GTF2H3: variants seen among roughly 807,000 people sequenced by gnomAD.
The protein encoded by GTF2H3 is TFIIH basal transcription factor complex p34 subunit.
A neutral mutation model predicts 51.1 loss-of-function variants in GTF2H3; 42 were observed. The ratio of observed to expected loss-of-function variants is 0.82; its 90% confidence interval spans 0.64 to 1.06. The LOEUF (loss-of-function observed/expected upper bound fraction) is 1.06. Among genes scored for constraint, GTF2H3 ranks in the 50% least tolerant of loss-of-function variants. GTF2H3 has a pLI of 0.00. For missense variants in GTF2H3, 326 were observed against 366.1 expected, an observed-to-expected ratio of 0.89 and a Z score of 0.89; for synonymous variants, 123 against 123.8, an observed-to-expected ratio of 0.99 and a Z score of 0.04.
At chr12:123,641,609 G>A (rs1255105647) in intron 2 of GTF2H3, among the ~76,000 whole-genome samples, 1 of 149,436 alleles carries the variant, frequency 6.7e-6, no homozygotes, top group African/African-American at 2.5e-5. Flanking sequence ...GATTACAAGT[G>A]TGAGCCACCA....
chr12:123,647,842 A>G (rs1262420304), intron 3 of GTF2H3, 121 bp from the exon 4 acceptor site: 10 of 547,694 alleles, frequency 1.8e-5, no homozygotes, highest in Non-Finnish European at 6.3e-6. Context: ...TTACCGTGGA[A>G]TCTTGTGAGT....
In GTF2H3 at chr12:123,644,104, G is replaced by A. The variant is rs532268015; in HGVS notation, c.94-1351G>A. Among the ~76,000 whole-genome samples the A allele has an allele frequency of 1.5e-4, 23 of 151,964 alleles. No individual in the cohort carries two copies. In the South Asian group the frequency reaches 3.1e-3, roughly 21 times the overall value. On this transcript the variant is annotated intron_variant, in intron 2 of 12. Coordinates refer to ENST00000543341, the MANE Select transcript of GTF2H3 (RefSeq NM_001516.5). ...CCTCGGCCTCCCAAAGTGCTGGGAC[G>A]TGAGCCACCACGCCCAGCCACCAGT... is the stretch of plus-strand genomic sequence containing the variant.
Position 123,642,432 on chromosome 12 carries a change from G to A in GTF2H3, c.94-3023G>A, listed in dbSNP as rs1593797467. On this transcript the variant is annotated intron_variant, in intron 2 of 12. Coordinates refer to ENST00000543341, the MANE Select transcript of GTF2H3 (RefSeq NM_001516.5). ...GATCCGCCCACCTCAGCCTCCCAAAGTGTTGGGATTACAGGCATGAGCCAC... is the reference window on the plus strand; with the variant it reads ...GATCCGCCCACCTCAGCCTCCCAAAATGTTGGGATTACAGGCATGAGCCAC... Among the ~76,000 whole-genome samples, 5 of 152,198 alleles carry A rather than the reference G, an allele frequency of 3.3e-5. No homozygotes were observed. The South Asian group carries it at 1.0e-3, about 32-fold the overall frequency.
chr12:123,648,047 G>C lies in GTF2H3; in HGVS notation c.285G>C (p.Gly95=), dbSNP rs141702842. Residue 95 remains glycine (G), a synonymous_variant, in exon 4 of 13, where the codon GGG becomes GGC. Transcript: ENST00000543341. ...ACCCTCCTGAATTTAATCCCTCTGGGAGTAAAGATGGAAAATACGAACTTT... is the reference window on the plus strand; with the variant it reads ...ACCCTCCTGAATTTAATCCCTCTGGCAGTAAAGATGGAAAATACGAACTTT... The part of the protein sequence containing the change: ...PGNPPEFNPS[G]SKDGKYELLT... 34 of 1,611,588 alleles carry C rather than the reference G, an allele frequency of 2.1e-5. No homozygotes were observed. Among genetic ancestry groups the C allele is most frequent in the Admixed American group, 6.7e-5 (4 of 59,982 alleles).
chr12:123,634,420 G>C (rs1375790883), intron 1 of GTF2H3, among the ~76,000 whole-genome samples: 1 of 152,200 alleles, frequency 6.6e-6, no homozygotes, highest in Non-Finnish European at 1.5e-5. Context: ...CAGCATGGCC[G>C]ACAGGGCATG....
Position 123,645,564 on chromosome 12 carries a change from A to G in GTF2H3, c.200+3A>G, listed in dbSNP as rs1163615326. 2 of 1,486,050 alleles carry G rather than the reference A, an allele frequency of 1.3e-6. No individual in the cohort carries two copies. The highest frequency in any genetic ancestry group is 2.3e-5 in the East Asian group (1 of 44,324). The allele number at this position is 1,486,050 out of a possible 1,614,324, so 92.1% of individuals were successfully genotyped here. Reference sequence around the variant, plus strand: ...ATAGCAAGTCACATTCAAGAAAGGTATGACCATTGTGATTGCTTTTGCTCT... The same window carrying G: ...ATAGCAAGTCACATTCAAGAAAGGTGTGACCATTGTGATTGCTTTTGCTCT... On this transcript the variant is annotated splice_donor_region_variant and intron_variant, in intron 3 of 12. Coordinates refer to ENST00000543341, the MANE Select transcript of GTF2H3 (RefSeq NM_001516.5).
chr12:123,651,121 A>G (rs1396033085), intron 5 of GTF2H3, 65 bp downstream of exon 5: 22 of 1,204,286 alleles, frequency 1.8e-5, no homozygotes, highest in Admixed American at 1.5e-4. Context: ...AACTTGTGAC[A>G]TTTCTTAGGA....
chr12:123,647,810 CA>C (rs1955469064), intron 3 of GTF2H3, among the ~76,000 whole-genome samples, 152 bp from the exon 4 acceptor site: 1 of 152,146 alleles, frequency 6.6e-6, no homozygotes, highest in Non-Finnish European at 1.5e-5. Context: ...TTATCTTACA[CA>C]TTTTTTTTAA....
At position 123,660,308 on chromosome 12, in the gene GTF2H3, G is replaced by GA. The variant is rs1955642043; in HGVS notation, c.*80dup. ...TAGCAGATTCTTTGTTGGGAAGACT[G>GA]AAAAAAATAAAGATAGGTATAGGAT... On this transcript the variant is annotated 3_prime_UTR_variant, in exon 13 of 13. Coordinates refer to ENST00000543341, the MANE Select transcript of GTF2H3 (RefSeq NM_001516.5). 5 of 1,107,988 alleles carry GA rather than the reference G, an allele frequency of 4.5e-6. No homozygotes were observed. In the East Asian group the frequency reaches 9.5e-5, roughly 21 times the overall value. 68.6% of individuals were successfully genotyped at this position (1,107,988 alleles called of 1,614,324 possible).
chr12:123,656,528 C>T (rs951183867), intron 9 of GTF2H3, among the ~76,000 whole-genome samples: 9 of 152,166 alleles, frequency 5.9e-5, no homozygotes, highest in African/African-American at 1.7e-4. Flanking sequence ...AGTCCAGTCC[C>T]AGACTCTCCT....
intron 3 of GTF2H3, among the ~76,000 whole-genome samples, chr12:123,647,168 A>AG (rs1347212384): frequency 4.7e-5 from 7 of 148,130 alleles, no homozygotes; most frequent in African/African-American, 1.7e-4. Flanking sequence ...AAAAAAAAAA[A>AG]AAAAGTCACG....
In GTF2H3 at chr12:123,661,992, G is replaced by C. The variant is rs1488313841; in HGVS notation, c.*1757G>C. 1.3e-5 allele frequency: 2 copies of C among 151,662 alleles called. No individual in the cohort carries two copies. The highest frequency in any genetic ancestry group is 2.1e-4 in the South Asian group (1 of 4,782). 9.4% of individuals were successfully genotyped at this position (151,662 alleles called of 1,614,324 possible). A position where few individuals can be genotyped will look rare whatever the true frequency, so the allele number is the denominator to read the frequency against. On this transcript the variant is annotated 3_prime_UTR_variant, in exon 13 of 13. Coordinates refer to ENST00000543341, the MANE Select transcript of GTF2H3 (RefSeq NM_001516.5). ...AAAAATACAAAAATTAGCTGGGCGT[G>C]GTGGCAGGTGCCTGTAATCCCAGCT...
intron 9 of GTF2H3, among the ~76,000 whole-genome samples, chr12:123,656,439 A>G (rs1257734254): frequency 6.6e-6 from 1 of 152,208 alleles, no homozygotes; most frequent in African/African-American, 2.4e-5. Context: ...CACATTGTCT[A>G]TTAACTCCAA....
At chr12:123,650,956 C>G in intron 4 of GTF2H3, 38 bp from the exon 5 acceptor site, 1 of 1,448,840 alleles carries the variant, frequency 6.9e-7, no homozygotes, top group Non-Finnish European at 9.7e-7. Flanking sequence ...CAAGAAAGTA[C>G]TTAAAAATTC....
chr12:123,644,499 C>G (rs1031139159), intron 2 of GTF2H3, among the ~76,000 whole-genome samples: 10 of 152,024 alleles, frequency 6.6e-5, no homozygotes, highest in African/African-American at 2.4e-4. Context: ...AACCCCATCC[C>G]TACTAAAAAT....
intron 9 of GTF2H3, among the ~76,000 whole-genome samples, chr12:123,656,694 T>G (rs1471529826): frequency 6.6e-6 from 1 of 152,202 alleles, no homozygotes; most frequent in Non-Finnish European, 1.5e-5. Context: ...TAAGTGGCAG[T>G]GCAGTTCACT....
intron 7 of GTF2H3, among the ~76,000 whole-genome samples, chr12:123,653,028 G>A (rs1184121747): frequency 6.6e-6 from 1 of 151,730 alleles, no homozygotes; most frequent in Non-Finnish European, 1.5e-5. Context: ...CAGTGAGCTG[G>A]AGGTTGCAGT....
At position 123,633,909 on chromosome 12, in the gene GTF2H3, C is replaced by T. The variant is rs747907480; in HGVS notation, c.13+37C>T. 1.9e-6 allele frequency: 3 copies of T among 1,608,020 alleles called. No individual in the cohort carries two copies. In the South Asian group the frequency reaches 3.3e-5, roughly 18 times the overall value. ...GCAGGGCGGGACTTCGACTCCGGGG[C>T]TCGGCTGTCTCGGTCCGGCTACGAC... On this transcript the variant is annotated intron_variant, in intron 1 of 12. Coordinates refer to ENST00000543341, the MANE Select transcript of GTF2H3 (RefSeq NM_001516.5).
chr12:123,634,527 A>G (rs1165712997), intron 1 of GTF2H3, among the ~76,000 whole-genome samples: 2 of 152,256 alleles, frequency 1.3e-5, no homozygotes, highest in African/African-American at 4.8e-5. Flanking sequence ...ACAATAGTAC[A>G]TTGTGACTAG....
Sources: allele counts gnomAD v4.1 joint callset (sites outside exome capture counted in the v4.1 genomes callset), GRCh38; gene constraint gnomAD v4.1.1; transcripts MANE v1.5; gene names NCBI Gene and HGNC (gene_info 2026-07-23, HGNC 2026-07-21).